The following CADPS2 variants were observed in gnomAD, a reference collection of about 807,000 sequenced individuals.
CADPS2 encodes calcium dependent secretion activator 2.
Under a neutral mutation model 172.5 loss-of-function variants are expected in CADPS2, and 93 were observed. That is an observed-to-expected ratio of 0.54 (90% CI 0.46 to 0.64). The LOEUF is 0.64. Ranked by LOEUF, CADPS2 falls within the 30% of genes least tolerant of loss-of-function variation. CADPS2 has a pLI of 0.00. For missense variants in CADPS2, 1,420 were observed against 1,565.9 expected, an observed-to-expected ratio of 0.91 and a Z score of 1.57; for synonymous variants, 546 against 555.2, an observed-to-expected ratio of 0.98 and a Z score of 0.23.
intron 27 of CADPS2, among the ~76,000 whole-genome samples, chr7:122,356,443 A>G (rs1221851027): frequency 2.0e-5 from 3 of 152,184 alleles, no homozygotes; most frequent in Non-Finnish European, 4.4e-5. Context: ...CCTTTGATCA[A>G]CTGGCTGGGG....
chr7:122,868,218 T>G (rs980770606), intron 1 of CADPS2, among the ~76,000 whole-genome samples: 1 of 152,098 alleles, frequency 6.6e-6, no homozygotes, highest in African/African-American at 2.4e-5. Flanking sequence ...AGCTCTACAC[T>G]GCTGGTCTCC....
At chr7:122,710,286 C>G (rs961752336) in intron 2 of CADPS2, among the ~76,000 whole-genome samples, 5 of 151,914 alleles carry the variant, frequency 3.3e-5, no homozygotes, top group East Asian at 3.9e-4. Flanking sequence ...ATCACAAAAC[C>G]CTTTCTTATT....
intron 7 of CADPS2, among the ~76,000 whole-genome samples, chr7:122,571,467 T>A (rs2067245188): frequency 6.6e-6 from 1 of 152,114 alleles, no homozygotes; most frequent in Non-Finnish European, 1.5e-5. Flanking sequence ...TCAGCCCCTG[T>A]AAGTGGTGAT....
chr7:122,645,524 A>AC (rs199627947), intron 3 of CADPS2, among the ~76,000 whole-genome samples: 1 of 29,274 alleles, frequency 3.4e-5, no homozygotes, highest in Admixed American at 3.7e-4. Flanking sequence ...TTATATATAT[A>AC]TAAGTATATA....
At chr7:122,451,150 C>T (rs1170224154) in intron 15 of CADPS2, among the ~76,000 whole-genome samples, 2 of 151,846 alleles carry the variant, frequency 1.3e-5, no homozygotes, top group African/African-American at 2.4e-5. Context: ...TGCAGTGGAA[C>T]GGATATTGTA....
At chr7:122,543,169 T>C (rs1012301677) in intron 8 of CADPS2, among the ~76,000 whole-genome samples, 3 of 152,134 alleles carry the variant, frequency 2.0e-5, no homozygotes, top group African/African-American at 7.2e-5. Context: ...TTATGGTATC[T>C]TTCCAAATGG....
At chr7:122,545,041 G>T (rs2131729066) in intron 8 of CADPS2, among the ~76,000 whole-genome samples, 1 of 152,242 alleles carries the variant, frequency 6.6e-6, no homozygotes, top group South Asian at 2.1e-4. Context: ...ACGGAATAGG[G>T]AACACAGGTG....
chr7:122,697,807 T>A, intron 2 of CADPS2: 1 of 1,585,584 alleles, frequency 6.3e-7, no homozygotes, highest in Non-Finnish European at 8.6e-7. Flanking sequence ...AGGATGAACA[T>A]CTTCCACTAC....
Position 122,362,091 on chromosome 7 carries a change from A to C in CADPS2, c.3388-1078T>G, listed in dbSNP as rs575042954. Among the ~76,000 whole-genome samples the C allele has an allele frequency of 3.9e-5, 6 of 152,204 alleles. No individual in the cohort carries two copies. In the South Asian group the frequency reaches 6.2e-4, roughly 16 times the overall value. Reference sequence around the variant, plus strand: ...TTAAAAAAGAAAAACAAAAACAAAAACAAAAAACCAAAAAACAAACAAACA... The same window carrying C: ...TTAAAAAAGAAAAACAAAAACAAAACCAAAAAACCAAAAAACAAACAAACA... On this transcript the variant is annotated intron_variant, in intron 25 of 29. Transcript: ENST00000449022.
intron 20 of CADPS2, among the ~76,000 whole-genome samples, chr7:122,399,285 C>T (rs1003983147): frequency 3.3e-5 from 5 of 152,072 alleles, no homozygotes; most frequent in Non-Finnish European, 7.4e-5. Flanking sequence ...TATATATGTG[C>T]GTATCCTCCA....
chr7:122,372,050 T>C (rs2041836473), intron 25 of CADPS2, among the ~76,000 whole-genome samples: 1 of 152,214 alleles, frequency 6.6e-6, no homozygotes. Context: ...AGACTCTATC[T>C]GTATTAACAT....
intron 3 of CADPS2, among the ~76,000 whole-genome samples, chr7:122,662,139 T>C (rs1041985114): frequency 1.3e-5 from 2 of 152,144 alleles, no homozygotes; most frequent in South Asian, 4.1e-4. Context: ...AGAGAAGATT[T>C]GCAAAAAGAT....
intron 2 of CADPS2, among the ~76,000 whole-genome samples, chr7:122,725,733 G>A (rs1053151226): frequency 6.6e-6 from 1 of 151,804 alleles, no homozygotes; most frequent in Non-Finnish European, 1.5e-5. Flanking sequence ...GTTTGAGGCT[G>A]CAGTGAGCTT....
At chr7:122,322,504 TCTTG>T (rs2032794998) in intron 29 of CADPS2, among the ~76,000 whole-genome samples, 1 of 151,994 alleles carries the variant, frequency 6.6e-6, no homozygotes, top group South Asian at 2.1e-4. Flanking sequence ...TTTGGTTGGC[TCTTG>T]CTTAAGACAA....
At chr7:122,363,878 T>C (rs1183630684) in intron 25 of CADPS2, among the ~76,000 whole-genome samples, 1 of 152,176 alleles carries the variant, frequency 6.6e-6, no homozygotes, top group Non-Finnish European at 1.5e-5. Flanking sequence ...AGTTTGGTCC[T>C]TAAGCTAATG....
chr7:122,860,044 G>A (rs752138853), intron 1 of CADPS2, among the ~76,000 whole-genome samples: 15 of 152,046 alleles, frequency 9.9e-5, no homozygotes, highest in African/African-American at 2.7e-4. Context: ...CAAATAGAAC[G>A]TTCTGGGATT....
At chr7:122,606,680 C>T (rs576334226) in intron 6 of CADPS2, among the ~76,000 whole-genome samples, 1 of 151,840 alleles carries the variant, frequency 6.6e-6, no homozygotes, top group South Asian at 2.1e-4. Context: ...CTAAATAGTA[C>T]AAAAAGTAGT....
At chr7:122,431,695 T>C (rs918994421) in intron 17 of CADPS2, among the ~76,000 whole-genome samples, 1 of 152,064 alleles carries the variant, frequency 6.6e-6, no homozygotes, top group Non-Finnish European at 1.5e-5. Flanking sequence ...ATACTATTTA[T>C]TGCAAAGTAT....
At chr7:122,725,855 A>T (rs181786295) in intron 2 of CADPS2, among the ~76,000 whole-genome samples, 153 of 152,052 alleles carry the variant, frequency 1.0e-3, no homozygotes, top group African/African-American at 3.5e-3. Flanking sequence ...AACAGGAAGT[A>T]CTTAAGAGCA....
Sources: allele counts gnomAD v4.1 joint callset (sites outside exome capture counted in the v4.1 genomes callset), GRCh38; gene constraint gnomAD v4.1.1; transcripts MANE v1.5; gene names NCBI Gene and HGNC (gene_info 2026-07-23, HGNC 2026-07-21).